The following NAA15 variants were observed in gnomAD, a reference collection of about 807,000 sequenced individuals.
The protein encoded by NAA15 is N-alpha-acetyltransferase 15, NatA auxiliary subunit.
In NAA15, 34 loss-of-function variants were observed where a neutral mutation model predicts 114.0. That is an observed-to-expected ratio of 0.30 (90% CI 0.23 to 0.40). The LOEUF (loss-of-function observed/expected upper bound fraction) is 0.40, where lower values mean the gene tolerates loss of function less well. NAA15 is among the 10% of genes least tolerant of loss of function. The pLI, the probability that NAA15 is intolerant of heterozygous loss-of-function variation, is 1.00. For synonymous variants in NAA15, 340 were observed against 338.0 expected (o/e 1.01, Z -0.06); for missense variants, 658 against 1,004.5 (o/e 0.66, Z 4.66).
chr4:139,348,452 CAA>C (rs35328479), intron 6 of NAA15, among the ~76,000 whole-genome samples: 2,491 of 87,940 alleles, frequency 0.028, 42 homozygotes, highest in East Asian at 0.18. Flanking sequence ...GACTGTATCA[CAA>C]AAAAAAAAAA....
intron 1 of NAA15, among the ~76,000 whole-genome samples, chr4:139,318,114 C>T (rs567218754): frequency 6.6e-6 from 1 of 152,110 alleles, no homozygotes; most frequent in South Asian, 2.1e-4. Flanking sequence ...CCAAAACTTC[C>T]AAAGATAAAG....
chr4:139,376,296 T>G, intron 15 of NAA15, 69 bp from the exon 16 acceptor site: 1 of 974,878 alleles, frequency 1.0e-6, no homozygotes, highest in Non-Finnish European at 1.5e-6. Context: ...ATAAGAATTT[T>G]TAGTAGAATA....
At chr4:139,319,862 A>G (rs1233310872) in intron 1 of NAA15, among the ~76,000 whole-genome samples, 2 of 152,184 alleles carry the variant, frequency 1.3e-5, no homozygotes, top group Admixed American at 1.3e-4. Flanking sequence ...CCTCTTACCA[A>G]CAGGTTCCTA....
intron 17 of NAA15, among the ~76,000 whole-genome samples, chr4:139,380,246 C>G (rs1748708666): frequency 7.4e-6 from 1 of 134,568 alleles, no homozygotes; most frequent in Non-Finnish European, 1.6e-5. Context: ...GTTTGTTTCT[C>G]TTTAGTTTTT....
intron 1 of NAA15, among the ~76,000 whole-genome samples, chr4:139,303,982 A>G (rs1293082813): frequency 6.6e-6 from 1 of 152,068 alleles, no homozygotes. Flanking sequence ...CAGTGGCGCG[A>G]TCTCGGCTCA....
At chr4:139,306,016 TTA>T (rs1393614986) in intron 1 of NAA15, among the ~76,000 whole-genome samples, 1 of 152,200 alleles carries the variant, frequency 6.6e-6, no homozygotes, top group Admixed American at 6.5e-5. Flanking sequence ...TGCAAAAATT[TTA>T]GAGTTTCTGC....
At chr4:139,316,377 A>C (rs1579086673) in intron 1 of NAA15, among the ~76,000 whole-genome samples, 1 of 151,632 alleles carries the variant, frequency 6.6e-6, no homozygotes, top group Non-Finnish European at 1.5e-5. Flanking sequence ...CCTATTTTCT[A>C]TCTCTTTAGA....
rs1277768517 is a variant in NAA15 at position 139,333,121 on chromosome 4, T to G, written c.55-1053T>G. 2.6e-5 allele frequency among the ~76,000 whole-genome samples: 4 copies of G among 152,050 alleles called. No homozygotes were observed. In the Admixed American group the frequency reaches 2.6e-4, roughly 10 times the overall value. On this transcript the variant is annotated intron_variant, in intron 1 of 19. Transcript: ENST00000296543. ...TATACTGTATTGCTTAGACATTAATTACAAGAGAAAAGTGTAAGTTTGTAT... is the reference window on the plus strand; with the variant it reads ...TATACTGTATTGCTTAGACATTAATGACAAGAGAAAAGTGTAAGTTTGTAT...
intron 1 of NAA15, among the ~76,000 whole-genome samples, chr4:139,326,928 TAATA>T (rs1279446405): frequency 6.6e-6 from 1 of 152,192 alleles, no homozygotes; most frequent in Non-Finnish European, 1.5e-5. Context: ...AACCAGTTAC[TAATA>T]AATATTTTTT....
chr4:139,360,520 G>A lies in NAA15; in HGVS notation c.1431G>A (p.Glu477=), dbSNP rs1323652644. The A allele has an allele frequency of 4.4e-6, 7 of 1,593,990 alleles. No individual in the cohort carries two copies. The highest frequency in any genetic ancestry group is 6.0e-6 in the Non-Finnish European group (7 of 1,171,600). ...TATAGGAAGGAACATCAGCGGTAGA[G>A]AATTTGAATGAAATGCAGTGCATGT... The part of the protein sequence containing the change: ...KFTREGTSAV[E]NLNEMQCMWF... The change falls in exon 13 of 20, where the codon GAG becomes GAA. Residue 477 remains glutamate, a synonymous_variant. Coordinates refer to ENST00000296543, the MANE Select transcript of NAA15 (RefSeq NM_057175.5).
intron 1 of NAA15, among the ~76,000 whole-genome samples, chr4:139,309,328 A>C (rs1359505134): frequency 6.6e-6 from 1 of 151,442 alleles, no homozygotes; most frequent in Non-Finnish European, 1.5e-5. Context: ...AGCCTGGGGG[A>C]CAAGAGTGAA....
rs772641954 is a variant in NAA15 at position 139,344,326 on chromosome 4, A to G, written c.678A>G (p.Val226=). The G allele has an allele frequency of 1.2e-5, 19 of 1,606,878 alleles. No homozygotes were observed. Among genetic ancestry groups the G allele is most frequent in the Non-Finnish European group, 1.6e-5 (19 of 1,176,856 alleles). ...YEKQICDKLA[V]EETKGELLLQ... ...AGCAGATTTGTGATAAACTTGCTGTAGAAGAAACCAAAGGTATTTTTAAAA... is the reference window on the plus strand; with the variant it reads ...AGCAGATTTGTGATAAACTTGCTGTGGAAGAAACCAAAGGTATTTTTAAAA... Residue 226 remains valine, a synonymous_variant, in exon 6 of 20, where the codon GTA becomes GTG. Coordinates refer to ENST00000296543, the MANE Select transcript of NAA15 (RefSeq NM_057175.5).
chr4:139,371,976 C>T (rs972500734), intron 15 of NAA15, among the ~76,000 whole-genome samples: 2 of 152,126 alleles, frequency 1.3e-5, no homozygotes, highest in Non-Finnish European at 1.5e-5. Context: ...AGTGCAGTGG[C>T]GCGATCTCGG....
chr4:139,318,308 A>C (rs757128798), intron 1 of NAA15: 1 of 152,178 alleles, frequency 6.6e-6, no homozygotes, highest in Non-Finnish European at 1.5e-5. Context: ...TGGAAAAATA[A>C]AAATTTAGCA....
chr4:139,380,602 TTAA>T (rs1437233248), intron 17 of NAA15, among the ~76,000 whole-genome samples: 4 of 152,310 alleles, frequency 2.6e-5, no homozygotes, highest in Non-Finnish European at 1.5e-5. Context: ...CTTAGAATGA[TTAA>T]TAATTAGTTA....
chr4:139,329,084 G>T (rs1746909609), intron 1 of NAA15, among the ~76,000 whole-genome samples: 2 of 143,504 alleles, frequency 1.4e-5, no homozygotes, highest in African/African-American at 2.6e-5. Context: ...GTTTTGCCAT[G>T]TTGGCTAGGC....
chr4:139,375,534 T>C (rs1748558440), intron 15 of NAA15, among the ~76,000 whole-genome samples: 1 of 152,098 alleles, frequency 6.6e-6, no homozygotes, highest in African/African-American at 2.4e-5. Context: ...ACAATTACTC[T>C]ACTAACAGAG....
intron 1 of NAA15, among the ~76,000 whole-genome samples, chr4:139,311,996 G>C (rs919067318): frequency 2.0e-5 from 3 of 151,688 alleles, no homozygotes; most frequent in Non-Finnish European, 2.9e-5. Context: ...GAAAGTAATC[G>C]TAGTGTTAGA....
intron 7 of NAA15, 137 bp downstream of exon 7, chr4:139,349,718 C>A: frequency 1.1e-6 from 1 of 892,532 alleles, no homozygotes; most frequent in Non-Finnish European, 1.7e-6. Flanking sequence ...AGCGCAGTGG[C>A]TCGTGCCTGT....
Sources: gnomAD v4.1 joint callset for allele counts (sites outside exome capture counted in the v4.1 genomes callset) on GRCh38, gnomAD v4.1.1 for gene constraint, MANE v1.5 for transcripts, NCBI Gene and HGNC (gene_info 2026-07-23, HGNC 2026-07-21) for gene names.